Variants in FRMD3 observed in about 807,000 individuals in gnomAD.
FRMD3 encodes FERM domain containing 3.
Under a neutral mutation model 70.2 loss-of-function variants are expected in FRMD3, and 33 were observed. That is an observed-to-expected ratio of 0.47 (90% CI 0.36 to 0.63). The LOEUF (loss-of-function observed/expected upper bound fraction) is 0.63, where lower values mean the gene tolerates loss of function less well. Ranked by LOEUF, FRMD3 falls within the 20% of genes least tolerant of loss-of-function variation. FRMD3 has a pLI of 0.00. For missense variants in FRMD3, 632 were observed against 711.4 expected (o/e 0.89, Z 1.27); for synonymous variants, 279 against 255.9 (o/e 1.09, Z -0.86).
intron 1 of FRMD3, among the ~76,000 whole-genome samples, chr9:83,522,563 ATAATTT>A (rs1829596498): frequency 1.7e-5 from 2 of 117,972 alleles, no homozygotes; most frequent in African/African-American, 7.0e-5. Flanking sequence ...ATATATATAT[ATAATTT>A]TTTTTTTTTT....
chr9:83,290,875 CA>C (rs1382001567), intron 12 of FRMD3, 148 bp from the exon 13 acceptor site: 8 of 767,830 alleles, frequency 1.0e-5, no homozygotes, highest in Non-Finnish European at 1.6e-5. Context: ...GATGACGTAA[CA>C]TTCAAGATAA....
At chr9:83,525,239 T>C (rs2131550661) in intron 1 of FRMD3, among the ~76,000 whole-genome samples, 1 of 152,334 alleles carries the variant, frequency 6.6e-6, no homozygotes, top group South Asian at 2.1e-4. Context: ...CCTGATCTGT[T>C]AACACGTTAA....
chr9:83,554,978 G>A, the FRMD3 span, among the ~76,000 whole-genome samples: 1 of 152,210 alleles, frequency 6.6e-6, no homozygotes, highest in East Asian at 1.9e-4. Context: ...ATAGCAGGCA[G>A]CCTGTCCCTC....
Position 83,245,003 on chromosome 9 carries a change from C to A in FRMD3, c.*2915G>T. ...GTGTATTATATATATTTATTTATAT[C>A]CACAAATGTACACTCAGTGGCATTT... On this transcript the variant is annotated 3_prime_UTR_variant, in exon 14 of 14. Transcript: ENST00000304195. 1.0e-6 allele frequency: 1 copy of A among 983,818 alleles called. No individual in the cohort carries two copies. The highest frequency in any genetic ancestry group is 1.2e-6 in the Non-Finnish European group (1 of 828,620). The allele number at this position is 983,818 out of a possible 1,614,324, so 60.9% of individuals were successfully genotyped here.
intron 13 of FRMD3, among the ~76,000 whole-genome samples, chr9:83,257,883 T>C (rs888910637): frequency 1.3e-5 from 2 of 152,222 alleles, no homozygotes; most frequent in African/African-American, 4.8e-5. Context: ...CCAATTAAAA[T>C]AGATAATAGC....
chr9:83,394,340 A>G (rs182048375), intron 1 of FRMD3, among the ~76,000 whole-genome samples: 60 of 152,272 alleles, frequency 3.9e-4, no homozygotes, highest in Non-Finnish European at 8.4e-4. Context: ...ATCTATTTCA[A>G]AAGAATTTGT....
At chr9:83,249,216 C>CT (rs1832284861) in intron 13 of FRMD3, among the ~76,000 whole-genome samples, 1 of 152,078 alleles carries the variant, frequency 6.6e-6, no homozygotes, top group Non-Finnish European at 1.5e-5. Context: ...ACATATAAAG[C>CT]TTTTTTTCCC....
the FRMD3 span, among the ~76,000 whole-genome samples, chr9:83,578,526 A>T: frequency 2.0e-5 from 3 of 152,044 alleles, no homozygotes; most frequent in African/African-American, 7.2e-5. Flanking sequence ...CAATATACAC[A>T]AATCTATAAA....
the FRMD3 span, among the ~76,000 whole-genome samples, chr9:83,584,130 T>G: frequency 3.9e-5 from 6 of 151,992 alleles, no homozygotes; most frequent in Non-Finnish European, 8.8e-5. Flanking sequence ...GGTCAAGAGA[T>G]CGAGACCATC....
intron 1 of FRMD3, among the ~76,000 whole-genome samples, chr9:83,423,544 T>G (rs2131363245): frequency 6.6e-6 from 1 of 151,528 alleles, no homozygotes; most frequent in South Asian, 2.1e-4. Context: ...TATTTAAATT[T>G]TAATTTAAAC....
chr9:83,289,113 G>T (rs1834322168), intron 13 of FRMD3, among the ~76,000 whole-genome samples: 1 of 152,112 alleles, frequency 6.6e-6, no homozygotes, highest in Non-Finnish European at 1.5e-5. Context: ...TTCACTCAAA[G>T]CAATATTCCA....
At chr9:83,580,922 GA>G in the FRMD3 span, among the ~76,000 whole-genome samples, 30 of 151,884 alleles carry the variant, frequency 2.0e-4, 1 homozygote, top group Admixed American at 1.8e-3. Context: ...TTTTTTAAAT[GA>G]AAAAAACTTC....
At chr9:83,385,827 A>G (rs1825495513) in intron 2 of FRMD3, among the ~76,000 whole-genome samples, 1 of 152,038 alleles carries the variant, frequency 6.6e-6, no homozygotes, top group Admixed American at 6.6e-5. Context: ...CATTTTTCTA[A>G]TTATCCAAGG....
chr9:83,392,203 A>T (rs142144555), intron 1 of FRMD3, among the ~76,000 whole-genome samples: 1 of 152,168 alleles, frequency 6.6e-6, no homozygotes, highest in Non-Finnish European at 1.5e-5. Flanking sequence ...AGCCCTTTGC[A>T]GTTCTGCCCT....
At chr9:83,577,031 C>T in the FRMD3 span, among the ~76,000 whole-genome samples, 1 of 151,982 alleles carries the variant, frequency 6.6e-6, no homozygotes, top group Non-Finnish European at 1.5e-5. Flanking sequence ...TTTAAAACAA[C>T]TACAAATTCT....
chr9:83,323,669 A>G (rs1835898759), intron 6 of FRMD3, among the ~76,000 whole-genome samples: 1 of 152,220 alleles, frequency 6.6e-6, no homozygotes, highest in African/African-American at 2.4e-5. Flanking sequence ...ACTGTAAAAA[A>G]TAAATTTCTT....
intron 1 of FRMD3, among the ~76,000 whole-genome samples, chr9:83,479,601 T>TGAGG (rs1270361149): frequency 9.2e-6 from 1 of 108,232 alleles, no homozygotes; most frequent in Non-Finnish European, 1.8e-5. Context: ...TACTCCAGCC[T>TGAGG]GAGGGATAGC....
At chr9:83,450,952 A>G (rs1827635953) in intron 1 of FRMD3, among the ~76,000 whole-genome samples, 1 of 152,218 alleles carries the variant, frequency 6.6e-6, no homozygotes, top group South Asian at 2.1e-4. Context: ...CCGTTTAATA[A>G]GTCCCCAAAT....
intron 12 of FRMD3, among the ~76,000 whole-genome samples, chr9:83,295,098 A>G (rs554417273): frequency 1.3e-5 from 2 of 152,326 alleles, no homozygotes; most frequent in East Asian, 1.9e-4. Context: ...ATGGTCTCCA[A>G]ATGAAGTTGT....
Sources: allele counts gnomAD v4.1 joint callset (sites outside exome capture counted in the v4.1 genomes callset), GRCh38; gene constraint gnomAD v4.1.1; transcripts MANE v1.5; gene names NCBI Gene and HGNC (gene_info 2026-07-23, HGNC 2026-07-21).